RIN2: variants seen among roughly 807,000 people sequenced by gnomAD.
RIN2 encodes RAB5 interacting protein 2.
A neutral mutation model predicts 78.0 loss-of-function variants in RIN2; 36 were observed. That is an observed-to-expected ratio of 0.46 (90% CI 0.35 to 0.61). The LOEUF is 0.61. Ranked by LOEUF, RIN2 falls within the 20% of genes least tolerant of loss-of-function variation. RIN2 has a pLI of 0.00. For synonymous variants in RIN2, 466 were observed against 466.8 expected, an observed-to-expected ratio of 1.00 and a Z score of 0.02; for missense variants, 1,087 against 1,159.7, an observed-to-expected ratio of 0.94 and a Z score of 0.91.
chr20:19,825,735 G>A (rs1455423455), intron 2 of RIN2, among the ~76,000 whole-genome samples: 1 of 152,210 alleles, frequency 6.6e-6, no homozygotes, highest in African/African-American at 2.4e-5. Context: ...TCAAACAAAA[G>A]ATGCTCTCAC....
At chr20:19,920,767 C>A (rs1043566040) in intron 3 of RIN2, among the ~76,000 whole-genome samples, 3 of 152,200 alleles carry the variant, frequency 2.0e-5, no homozygotes, top group Non-Finnish European at 4.4e-5. Flanking sequence ...ACCTCCACCC[C>A]CCAAGTTCAA....
At position 19,823,465 on chromosome 20, in the gene RIN2, A is replaced by G. The variant is rs757898366; in HGVS notation, c.-37+23718A>G. The G allele has an allele frequency of 3.7e-5, 29 of 790,526 alleles. No homozygotes were observed. The African/African-American group carries it at 4.2e-4, about 12-fold the overall frequency. 49.0% of individuals were successfully genotyped at this position (790,526 alleles called of 1,614,324 possible). On this transcript the variant is annotated intron_variant, in intron 2 of 12. Coordinates refer to ENST00000255006, the MANE Select transcript of RIN2 (RefSeq NM_018993.4). ...TTGTGCTTAACTAGCTGGGCATTCT[A>G]CAGCACCACTGTTGATGTCATCTAT...
chr20:19,903,305 C>T (rs754971762), intron 3 of RIN2, among the ~76,000 whole-genome samples: 5 of 151,884 alleles, frequency 3.3e-5, no homozygotes, highest in Non-Finnish European at 5.9e-5. Context: ...TCGTGTGTGT[C>T]GAAAGAGGGG....
At chr20:19,853,414 G>C (rs1169998428) in intron 2 of RIN2, among the ~76,000 whole-genome samples, 1 of 152,012 alleles carries the variant, frequency 6.6e-6, no homozygotes, top group Non-Finnish European at 1.5e-5. Context: ...GGGATGGCTG[G>C]GTCAAATGGT....
intron 1 of RIN2, among the ~76,000 whole-genome samples, chr20:19,778,089 C>A (rs2034373877): frequency 6.6e-6 from 1 of 152,178 alleles, no homozygotes; most frequent in African/African-American, 2.4e-5. Context: ...AAACTAAGTC[C>A]CCTGATACAG....
chr20:20,001,097 C>A lies in RIN2; in HGVS notation c.*161C>A. On this transcript the variant is annotated 3_prime_UTR_variant, in exon 13 of 13. Coordinates refer to ENST00000255006, the MANE Select transcript of RIN2 (RefSeq NM_018993.4). ...CCAACTCGGCCAAGGGCAACTTTAG[C>A]CACGCAAGGTAGCTGAGGTTTGTGA... The A allele has an allele frequency of 1.6e-6, 1 of 618,578 alleles. No homozygotes were observed. The highest frequency in any genetic ancestry group is 2.8e-6 in the Non-Finnish European group (1 of 359,324). 38.3% of individuals were successfully genotyped at this position (618,578 alleles called of 1,614,324 possible).
chr20:19,935,674 C>T, intron 4 of RIN2: 1 of 946,112 alleles, frequency 1.1e-6, no homozygotes, highest in Non-Finnish European at 1.3e-6. Flanking sequence ...TGATTGGAAA[C>T]TGGATGTGGT....
At chr20:19,784,321 T>C (rs62200337) in intron 1 of RIN2, among the ~76,000 whole-genome samples, 15,088 of 139,142 alleles carry the variant, frequency 0.11, 772 homozygotes, top group African/African-American at 0.16. Context: ...TAAACAATTA[T>C]GTGTGTGTGT....
At chr20:19,770,701 G>GA (rs1474632136) in intron 1 of RIN2, among the ~76,000 whole-genome samples, 4 of 151,858 alleles carry the variant, frequency 2.6e-5, no homozygotes, top group Non-Finnish European at 5.9e-5. Context: ...ACCTGTACGT[G>GA]AAAAAAACAA....
intron 1 of RIN2, among the ~76,000 whole-genome samples, chr20:19,763,957 C>T (rs1328318426): frequency 1.3e-5 from 2 of 152,114 alleles, no homozygotes. Context: ...ACCATCTGGC[C>T]AAGTGATAGT....
chr20:19,932,476 C>T (rs2040477964), intron 3 of RIN2, among the ~76,000 whole-genome samples: 1 of 152,182 alleles, frequency 6.6e-6, no homozygotes. Context: ...TTTAAAAAAA[C>T]TTTGCCACAG....
chr20:19,908,461 G>A (rs390014), intron 3 of RIN2, among the ~76,000 whole-genome samples: 38,582 of 149,408 alleles, frequency 0.26, 6,220 homozygotes, highest in East Asian at 0.53. Flanking sequence ...ACTGCACTCC[G>A]GCCTGGGCCA....
intron 2 of RIN2, among the ~76,000 whole-genome samples, chr20:19,843,585 G>A (rs1375259564): frequency 1.3e-5 from 2 of 152,150 alleles, no homozygotes; most frequent in Admixed American, 6.5e-5. Flanking sequence ...CTATAGTAGA[G>A]TCTAAACATA....
chr20:19,858,276 G>GC (rs2037227771), intron 2 of RIN2, among the ~76,000 whole-genome samples: 1 of 152,148 alleles, frequency 6.6e-6, no homozygotes, highest in Admixed American at 6.6e-5. Flanking sequence ...ATCAGGTCAG[G>GC]CTACATCTGA....
intron 9 of RIN2, among the ~76,000 whole-genome samples, chr20:19,976,326 G>A (rs1314568699): frequency 6.6e-6 from 1 of 152,154 alleles, no homozygotes; most frequent in African/African-American, 2.4e-5. Flanking sequence ...CCAGCATCTA[G>A]GGACCCCGGG....
At chr20:19,927,311 C>T (rs898101074) in intron 3 of RIN2, among the ~76,000 whole-genome samples, 4 of 151,946 alleles carry the variant, frequency 2.6e-5, no homozygotes, top group African/African-American at 9.7e-5. Context: ...GCAGTGGCAC[C>T]GTCATGGCTC....
chr20:19,942,346 C>T (rs919354191), intron 4 of RIN2, among the ~76,000 whole-genome samples: 5 of 152,134 alleles, frequency 3.3e-5, no homozygotes, highest in Admixed American at 3.3e-4. Flanking sequence ...ACATCAATTT[C>T]ATTAACGAAT....
At chr20:19,820,507 AC>A (rs2035895432) in intron 2 of RIN2, among the ~76,000 whole-genome samples, 1 of 152,196 alleles carries the variant, frequency 6.6e-6, no homozygotes, top group Non-Finnish European at 1.5e-5. Flanking sequence ...TGGGCATGTT[AC>A]TTCTATCACA....
At chr20:19,871,003 C>G (rs998418416) in intron 2 of RIN2, among the ~76,000 whole-genome samples, 4 of 152,204 alleles carry the variant, frequency 2.6e-5, no homozygotes, top group Non-Finnish European at 5.9e-5. Flanking sequence ...TATTTATCTT[C>G]AAGCCAATTT....
Sources: gnomAD v4.1 joint callset for allele counts (sites outside exome capture counted in the v4.1 genomes callset) on GRCh38, gnomAD v4.1.1 for gene constraint, MANE v1.5 for transcripts, NCBI Gene and HGNC (gene_info 2026-07-23, HGNC 2026-07-21) for gene names.